Variants in TAOK1 observed in about 807,000 individuals in gnomAD.
TAOK1 encodes serine/threonine-protein kinase TAO1.
TAOK1 carries 21 observed loss-of-function variants against 138.3 expected under a neutral mutation model. The observed-to-expected ratio is 0.15, with a 90% confidence interval of 0.11 to 0.22. TAOK1 has a LOEUF of 0.22. Ranked by LOEUF, TAOK1 falls within the 10% of genes least tolerant of loss-of-function variation. TAOK1 has a pLI of 1.00. For synonymous variants in TAOK1, 361 were observed against 398.4 expected (o/e 0.91, Z 1.12); for missense variants, 651 against 1,227.7 (o/e 0.53, Z 7.02).
At chr17:29,464,806 A>G (rs1245459628) in intron 2 of TAOK1, among the ~76,000 whole-genome samples, 3 of 151,594 alleles carry the variant, frequency 2.0e-5, no homozygotes, top group African/African-American at 7.3e-5. Context: ...AGCAGAACAC[A>G]GATAATAAGC....
At chr17:29,533,102 G>A (rs1413607836) in intron 18 of TAOK1, among the ~76,000 whole-genome samples, 1 of 146,880 alleles carries the variant, frequency 6.8e-6, no homozygotes, top group Non-Finnish European at 1.5e-5. Flanking sequence ...CCGGGCGGAG[G>A]GGCTTCTCAC....
chr17:29,491,057 T>C (rs564184454), intron 9 of TAOK1, among the ~76,000 whole-genome samples: 1 of 152,310 alleles, frequency 6.6e-6, no homozygotes, highest in South Asian at 2.1e-4. Context: ...TTGATACATA[T>C]AAGTAAAAAA....
intron 10 of TAOK1, among the ~76,000 whole-genome samples, chr17:29,492,103 T>C (rs753316273): frequency 6.6e-6 from 1 of 152,090 alleles, no homozygotes; most frequent in Non-Finnish European, 1.5e-5. Context: ...CAGGCTGATA[T>C]CGAACTCCTG....
intron 19 of TAOK1, 73 bp from the exon 20 acceptor site, chr17:29,542,488 T>C (rs2150779424): frequency 7.4e-7 from 1 of 1,358,988 alleles, no homozygotes; most frequent in African/African-American, 1.5e-5. Context: ...CAAAGCTGAA[T>C]AATTATTGCT....
chr17:29,476,255 T>G (rs754707408), intron 4 of TAOK1, among the ~76,000 whole-genome samples: 1 of 152,232 alleles, frequency 6.6e-6, no homozygotes, highest in Admixed American at 6.5e-5. Context: ...TATTTTGCCC[T>G]TTTGTTACCA....
At chr17:29,404,609 A>G (rs1904942094) in intron 1 of TAOK1, among the ~76,000 whole-genome samples, 1 of 152,134 alleles carries the variant, frequency 6.6e-6, no homozygotes. Flanking sequence ...CTGGCAACAT[A>G]GTAAGGCCTC....
chr17:29,475,862 C>A, intron 4 of TAOK1, 91 bp downstream of exon 4: 2 of 887,688 alleles, frequency 2.3e-6, no homozygotes, highest in Non-Finnish European at 3.6e-6. Context: ...TGTGTAAATG[C>A]ATGCAAAAAC....
chr17:29,522,583 A>C, intron 17 of TAOK1, 64 bp downstream of exon 17: 2 of 1,588,492 alleles, frequency 1.3e-6, no homozygotes, highest in South Asian at 1.2e-5. Context: ...TGTAAGCAGG[A>C]AAAGTCTTAA....
intron 12 of TAOK1, among the ~76,000 whole-genome samples, 157 bp downstream of exon 12, chr17:29,498,678 G>A (rs970232106): frequency 2.6e-5 from 4 of 152,196 alleles, no homozygotes; most frequent in African/African-American, 4.8e-5. Flanking sequence ...AGCACTTTGG[G>A]AGGCCGAGGC....
At chr17:29,539,309 A>G (rs932250946) in intron 19 of TAOK1, among the ~76,000 whole-genome samples, 3 of 152,168 alleles carry the variant, frequency 2.0e-5, no homozygotes, top group Non-Finnish European at 4.4e-5. Context: ...AAAAAATTGC[A>G]GAAGAGGCCG....
At chr17:29,445,892 C>A (rs1209494466) in intron 1 of TAOK1, among the ~76,000 whole-genome samples, 1 of 151,242 alleles carries the variant, frequency 6.6e-6, no homozygotes, top group Non-Finnish European at 1.5e-5. Flanking sequence ...ATTTTTTTTT[C>A]TTTAATGTTT....
chr17:29,421,450 T>C (rs1905442856), intron 1 of TAOK1, among the ~76,000 whole-genome samples: 1 of 152,208 alleles, frequency 6.6e-6, no homozygotes. Context: ...CATAAGTTGA[T>C]AAATGTTTAT....
rs1319526904 is a variant in TAOK1, at chr17:29,489,831, G to A, written c.749+74G>A. On this transcript the variant is annotated intron_variant, in intron 9 of 19. Transcript: ENST00000261716. ...CTTTTTCATAATCTGTTATCAAAGT[G>A]ATTTAATTTCAGTTAGGTAAAATGT... 31 of 1,123,306 alleles carry A rather than the reference G, an allele frequency of 2.8e-5. No homozygotes were observed. The South Asian group carries it at 2.9e-4, about 10-fold the overall frequency. The allele number at this position is 1,123,306 out of a possible 1,614,324, so 69.6% of individuals were successfully genotyped here. A position where few individuals can be genotyped will look rare whatever the true frequency, so the allele number is the denominator to read the frequency against.
intron 10 of TAOK1, among the ~76,000 whole-genome samples, chr17:29,493,792 T>G (rs2031355727): frequency 6.6e-6 from 1 of 152,192 alleles, no homozygotes; most frequent in African/African-American, 2.4e-5. Flanking sequence ...ATGAAGCTAT[T>G]TATCATGGAA....
rs1158724058 is a variant in TAOK1 at position 29,549,028 on chromosome 17, GTT to G, written c.*6009_*6010del. The G allele has an allele frequency of 6.6e-6, 1 of 152,182 alleles. No homozygotes were observed. Among genetic ancestry groups the G allele is most frequent in the African/African-American group, 2.4e-5 (1 of 41,454 alleles). 9.4% of individuals were successfully genotyped at this position (152,182 alleles called of 1,614,324 possible). On this transcript the variant is annotated 3_prime_UTR_variant, in exon 20 of 20. Transcript: ENST00000261716. ...CCAGTGGCCATGTTTACAAAAGTGT[GTT>G]TTGTCTATAAAGTGCAAGTGTTTTA...
intron 14 of TAOK1, among the ~76,000 whole-genome samples, chr17:29,508,585 T>C (rs753114460): frequency 1.3e-5 from 2 of 152,138 alleles, no homozygotes; most frequent in African/African-American, 2.4e-5. Context: ...ATCTGAGGAG[T>C]TTGCTAAATC....
chr17:29,397,845 ATATATG>A (rs1168438205), intron 1 of TAOK1, among the ~76,000 whole-genome samples: 1 of 151,456 alleles, frequency 6.6e-6, no homozygotes, highest in African/African-American at 2.4e-5. Flanking sequence ...GTGTATATAT[ATATATG>A]TATGTCACCA....
At chr17:29,408,738 A>G (rs1296258254) in intron 1 of TAOK1, among the ~76,000 whole-genome samples, 1 of 150,128 alleles carries the variant, frequency 6.7e-6, no homozygotes, top group Admixed American at 6.7e-5. Context: ...TTGGAGATGG[A>G]GTCTCACTGT....
chr17:29,504,466 C>T (rs530122056), intron 13 of TAOK1, among the ~76,000 whole-genome samples: 1 of 151,682 alleles, frequency 6.6e-6, no homozygotes, highest in African/African-American at 2.4e-5. Flanking sequence ...GGTCAGGTTG[C>T]GAGACCAACC....
Sources: allele counts gnomAD v4.1 joint callset (sites outside exome capture counted in the v4.1 genomes callset), GRCh38; gene constraint gnomAD v4.1.1; transcripts MANE v1.5; gene names NCBI Gene and HGNC (gene_info 2026-07-23, HGNC 2026-07-21).